The following PLEKHH2 variants were observed in gnomAD, a reference collection of about 807,000 sequenced individuals.
The protein encoded by PLEKHH2 is pleckstrin homology domain-containing family H member 2.
PLEKHH2 carries 129 observed loss-of-function variants against 187.9 expected under a neutral mutation model. That is an observed-to-expected ratio of 0.69 (90% CI 0.59 to 0.79). PLEKHH2 has a LOEUF of 0.79. Among genes scored for constraint, PLEKHH2 ranks in the 30% least tolerant of loss-of-function variants. PLEKHH2 has a pLI of 0.00. For missense variants in PLEKHH2, 2,076 were observed against 1,751.2 expected (o/e 1.19, Z -3.31); for synonymous variants, 686 against 605.6 (o/e 1.13, Z -1.95).
chr2:43,736,109 G>A (rs1428726604), intron 19 of PLEKHH2, among the ~76,000 whole-genome samples: 26 of 151,698 alleles, frequency 1.7e-4, no homozygotes, highest in Admixed American at 2.0e-4. Flanking sequence ...GATGTTATTA[G>A]GCAATAAATG....
Position 43,682,674 on chromosome 2 carries a change from T to A in PLEKHH2, c.186+3749T>A, listed in dbSNP as rs528900239. On this transcript the variant is annotated intron_variant, in intron 3 of 29. Coordinates refer to ENST00000282406, the MANE Select transcript of PLEKHH2 (RefSeq NM_172069.4). ...ATCACCTTTATCTAGTTCCAAAATG[T>A]CGAAAGGAAACTCATCTCAAAAGGA... is the stretch of plus-strand genomic sequence containing the variant. Among the ~76,000 whole-genome samples, 57 of 152,262 alleles carry A rather than the reference T, an allele frequency of 3.7e-4. No homozygotes were observed. The South Asian group carries it at 0.012, about 32-fold the overall frequency.
Position 43,720,667 on chromosome 2 carries a change from A to G in PLEKHH2, c.2461-2A>G, listed in dbSNP as rs1266365742. On this transcript the variant is annotated splice_acceptor_variant, in intron 15 of 29. Coordinates refer to ENST00000282406, the MANE Select transcript of PLEKHH2 (RefSeq NM_172069.4). LOFTEE classifies it high-confidence loss of function. ...TTGTAATTCATTGAAATATGGTTTC[A>G]GGTAAAACATGGATATTCCAAGAGA... The G allele has an allele frequency of 1.9e-6, 3 of 1,605,338 alleles. No individual in the cohort carries two copies. The African/African-American group carries it at 4.0e-5, about 22-fold the overall frequency.
chr2:43,765,462 AG>A lies in PLEKHH2; in HGVS notation c.4347del (p.Gln1449HisfsTer26). The A allele has an allele frequency of 6.2e-7, 1 of 1,614,176 alleles. No individual in the cohort carries two copies. The highest frequency in any genetic ancestry group is 8.5e-7 in the Non-Finnish European group (1 of 1,180,012). On this transcript the variant is annotated frameshift_variant, in exon 30 of 30. Coordinates refer to ENST00000282406, the MANE Select transcript of PLEKHH2 (RefSeq NM_172069.4). LOFTEE classifies it high-confidence loss of function. ...GCCAGTTACATAAACAACTTCCATC[AG>A]CAAAAGGCAGCATTTCACCACCTCT... ...LIASYINNFH[Q>X]QKAAFHHLSA... is the part of the protein sequence containing the mutation.
intron 24 of PLEKHH2, among the ~76,000 whole-genome samples, chr2:43,752,755 C>A (rs898287205): frequency 6.6e-6 from 1 of 152,042 alleles, no homozygotes; most frequent in African/African-American, 2.4e-5. Flanking sequence ...GAAGTCAGAG[C>A]CCCACAAATC....
At position 43,637,378 on chromosome 2, in the gene PLEKHH2, A is replaced by G. The variant is rs964630964; in HGVS notation, c.-5A>G. 2.0e-5 allele frequency: 3 copies of G among 152,378 alleles called. No homozygotes were observed. Among genetic ancestry groups the G allele is most frequent in the Admixed American group, 1.3e-4 (2 of 15,288 alleles). 9.4% of individuals were successfully genotyped at this position (152,378 alleles called of 1,614,324 possible). A position where few individuals can be genotyped will look rare whatever the true frequency, so the allele number is the denominator to read the frequency against. On this transcript the variant is annotated splice_region_variant and 5_prime_UTR_variant, in exon 1 of 30. Coordinates refer to ENST00000282406, the MANE Select transcript of PLEKHH2 (RefSeq NM_172069.4). ...CCGGGGACCCGCTGCTGAGATAGAC[A>G]GGTGAGAAAGCCCGGGGACGAGGGG...
chr2:43,728,207 T>C (rs893821011), intron 17 of PLEKHH2, among the ~76,000 whole-genome samples: 4 of 152,046 alleles, frequency 2.6e-5, no homozygotes, highest in Non-Finnish European at 4.4e-5. Flanking sequence ...GGCCAGGCAC[T>C]GTGTCTCACG....
chr2:43,724,580 C>A (rs568713449), intron 16 of PLEKHH2, among the ~76,000 whole-genome samples: 2 of 152,226 alleles, frequency 1.3e-5, no homozygotes, highest in African/African-American at 4.8e-5. Flanking sequence ...TTTTCTTACC[C>A]TTAAGATGGA....
rs568381990 is a variant in PLEKHH2, at chr2:43,765,956, C to T, written c.*358C>T. ...CTGGCAATCTTTAGAAAGGGAGATT[C>T]CAAACTCCCATTTGGTAAACCAGTT... On this transcript the variant is annotated 3_prime_UTR_variant, in exon 30 of 30. Transcript: ENST00000282406. The T allele has an allele frequency of 5.5e-6, 1 of 181,854 alleles. No individual in the cohort carries two copies. The highest frequency in any genetic ancestry group is 1.4e-4 in the East Asian group (1 of 7,060). 11.3% of individuals were successfully genotyped at this position (181,854 alleles called of 1,614,324 possible).
At chr2:43,655,041 A>T (rs1666683434) in intron 2 of PLEKHH2, among the ~76,000 whole-genome samples, 2 of 151,938 alleles carry the variant, frequency 1.3e-5, no homozygotes, top group Admixed American at 6.6e-5. Context: ...AAAAAAATTA[A>T]AATAAAGAAA....
chr2:43,764,958 G>A (rs540008828), intron 29 of PLEKHH2, among the ~76,000 whole-genome samples: 18 of 152,226 alleles, frequency 1.2e-4, no homozygotes, highest in Non-Finnish European at 2.1e-4. Context: ...TTACTTCTTC[G>A]GAATCTGAAG....
chr2:43,700,100 G>T lies in PLEKHH2; in HGVS notation c.1142G>T (p.Ser381Ile). The T allele has an allele frequency of 1.2e-6, 2 of 1,614,124 alleles. No individual in the cohort carries two copies. Among genetic ancestry groups the T allele is most frequent in the Non-Finnish European group, 1.7e-6 (2 of 1,180,030 alleles). The change falls in exon 8 of 30, where the codon AGT becomes ATT. Residue 381 changes from serine to isoleucine, a missense_variant. Ser to Ile is a moderately radical substitution (Grantham distance 142). Coordinates refer to ENST00000282406, the MANE Select transcript of PLEKHH2 (RefSeq NM_172069.4). ...NSELSKKEQD[S>I]SSDELNKKFQ... ...GAATTAAGTAAAAAGGAACAAGATA[G>T]TTCCTCGGATGAACTGAATAAAAAA...
intron 1 of PLEKHH2, among the ~76,000 whole-genome samples, chr2:43,642,199 A>G (rs1665972349): frequency 6.6e-6 from 1 of 152,170 alleles, no homozygotes; most frequent in Non-Finnish European, 1.5e-5. Flanking sequence ...TTCTTTTGTT[A>G]AATTCATTCC....
At chr2:43,762,764 T>C (rs1672478161) in intron 28 of PLEKHH2, among the ~76,000 whole-genome samples, 1 of 152,220 alleles carries the variant, frequency 6.6e-6, no homozygotes, top group African/African-American at 2.4e-5. Flanking sequence ...TCACTTTCAC[T>C]AAGGCTTCTT....
At chr2:43,676,357 G>A in intron 2 of PLEKHH2, 2 of 1,527,516 alleles carry the variant, frequency 1.3e-6, no homozygotes, top group South Asian at 1.3e-5. Context: ...CAGGGTCAAA[G>A]GCAGCCTGGG....
At chr2:43,646,295 T>C (rs979281639) in intron 2 of PLEKHH2, among the ~76,000 whole-genome samples, 1 of 152,284 alleles carries the variant, frequency 6.6e-6, no homozygotes, top group Admixed American at 6.5e-5. Context: ...TCATTTTCCA[T>C]GTTGTACTAT....
intron 15 of PLEKHH2, among the ~76,000 whole-genome samples, chr2:43,716,837 C>T (rs1338352380): frequency 6.6e-6 from 1 of 152,162 alleles, no homozygotes; most frequent in East Asian, 1.9e-4. Context: ...CTCATATATT[C>T]ATCATCTAGT....
intron 2 of PLEKHH2, among the ~76,000 whole-genome samples, chr2:43,648,127 C>T (rs1483393421): frequency 2.0e-5 from 3 of 152,112 alleles, no homozygotes; most frequent in Non-Finnish European, 2.9e-5. Flanking sequence ...GCTAATAGAG[C>T]GTCTGGCACA....
In PLEKHH2 at chr2:43,745,908, C is replaced by T. The variant is rs775051544; in HGVS notation, c.3598C>T (p.Gln1200Ter). Residue 1200 changes from glutamine (Q) to a stop codon, truncating the protein, a stop_gained, in exon 24 of 30, where the codon CAG becomes TAG. Coordinates refer to ENST00000282406, the MANE Select transcript of PLEKHH2 (RefSeq NM_172069.4). LOFTEE classifies it high-confidence loss of function. ...CAAATGGGAACAGGCTTCCAAAGAA[C>T]AGCAGCCTGGAAAATGTGAAGGTAC... ...ISKWEQASKE[Q>*]QPGKCEGTRT... 3.1e-6 allele frequency: 5 copies of T among 1,613,088 alleles called. No homozygotes were observed. The East Asian group carries it at 8.9e-5, about 29-fold the overall frequency.
intron 29 of PLEKHH2, among the ~76,000 whole-genome samples, chr2:43,764,737 T>G (rs1233721706): frequency 6.6e-6 from 1 of 152,224 alleles, no homozygotes; most frequent in Non-Finnish European, 1.5e-5. Context: ...CTTATTCACT[T>G]GAGGTTATTT....
Sources: gnomAD v4.1 joint callset for allele counts (sites outside exome capture counted in the v4.1 genomes callset) on GRCh38, gnomAD v4.1.1 for gene constraint, MANE v1.5 for transcripts, NCBI Gene and HGNC (gene_info 2026-07-23, HGNC 2026-07-21) for gene names.